Variants in RARB observed in about 807,000 individuals in gnomAD.
RARB encodes the protein HBV-activated protein.
In RARB, 17 loss-of-function variants were observed where a neutral mutation model predicts 51.9. The observed-to-expected ratio is 0.33, with a 90% confidence interval of 0.22 to 0.49. The LOEUF (loss-of-function observed/expected upper bound fraction) is 0.49. Among genes scored for constraint, RARB ranks in the 20% least tolerant of loss-of-function variants. The pLI, the probability that RARB is intolerant of heterozygous loss-of-function variation, is 0.99. For missense variants in RARB, 369 were observed against 550.8 expected, an observed-to-expected ratio of 0.67 and a Z score of 3.30; for synonymous variants, 215 against 195.4, an observed-to-expected ratio of 1.10 and a Z score of -0.84.
chr3:25,309,920 A>G (rs894900692), intron 5 of RARB, among the ~76,000 whole-genome samples: 1 of 152,188 alleles, frequency 6.6e-6, no homozygotes, highest in Non-Finnish European at 1.5e-5. Flanking sequence ...TGATGGCTTT[A>G]AAGAAAACTA....
chr3:25,021,244 ATATG>A (rs1697629541), intron 2 of RARB, among the ~76,000 whole-genome samples: 1 of 152,226 alleles, frequency 6.6e-6, no homozygotes, highest in Non-Finnish European at 1.5e-5. Context: ...ATTATCCTAA[ATATG>A]TATGTAAGCA....
intron 2 of RARB, among the ~76,000 whole-genome samples, chr3:25,016,883 T>A (rs757615146): frequency 3.9e-5 from 6 of 152,110 alleles, no homozygotes; most frequent in Non-Finnish European, 8.8e-5. Flanking sequence ...AGCATCTGAT[T>A]TATACTATCC....
At chr3:25,240,614 T>C (rs1386688053) in intron 5 of RARB, among the ~76,000 whole-genome samples, 1 of 152,222 alleles carries the variant, frequency 6.6e-6, no homozygotes, top group Non-Finnish European at 1.5e-5. Flanking sequence ...CTTCATTCTA[T>C]TGATGTAATA....
chr3:25,130,071 A>G lies in RARB; in HGVS notation c.-327-2090A>G, dbSNP rs564229022. Among the ~76,000 whole-genome samples, 23 of 152,224 alleles carry G rather than the reference A, an allele frequency of 1.5e-4. 1 individual carries two copies. The South Asian group carries it at 3.3e-3, about 22-fold the overall frequency. ...CTTGATTACCTTAGTATGGGAAACTATAGGCAAAAATGTTCTTTTCATTTA... is the reference window on the plus strand; with the variant it reads ...CTTGATTACCTTAGTATGGGAAACTGTAGGCAAAAATGTTCTTTTCATTTA... On this transcript the variant is annotated intron_variant, in intron 3 of 11. Coordinates refer to the RARB transcript ENST00000383772.
At chr3:25,300,377 C>T (rs762886143) in intron 5 of RARB, among the ~76,000 whole-genome samples, 1 of 152,164 alleles carries the variant, frequency 6.6e-6, no homozygotes, top group Non-Finnish European at 1.5e-5. Context: ...GTGCAAGACT[C>T]TTGGTCTAAC....
rs531633030 is a variant in RARB, at chr3:25,447,616, C to A, written c.158-13577C>A. On this transcript the variant is annotated intron_variant, in intron 1 of 7. Coordinates refer to ENST00000330688, the MANE Select transcript of RARB (RefSeq NM_000965.5). Reference sequence around the variant, plus strand: ...TTGGGTTTTGAACAGCAATTGAAGGCTCTCCAATGAGAGATCGCTGTGGTA... The same window carrying A: ...TTGGGTTTTGAACAGCAATTGAAGGATCTCCAATGAGAGATCGCTGTGGTA... Among the ~76,000 whole-genome samples the A allele has an allele frequency of 3.6e-4, 55 of 152,256 alleles. 1 individual carries two copies. The highest frequency in any genetic ancestry group is 1.1e-3 in the African/African-American group (46 of 41,546).
In RARB at chr3:25,501,165, T is replaced by C; in HGVS notation, c.307-17T>C. The C allele has an allele frequency of 6.4e-7, 1 of 1,567,104 alleles. No homozygotes were observed. Among genetic ancestry groups the C allele is most frequent in the Non-Finnish European group, 8.6e-7 (1 of 1,163,460 alleles). On this transcript the variant is annotated splice_polypyrimidine_tract_variant and intron_variant, in intron 2 of 7. Transcript: ENST00000330688. The stretch of plus-strand genomic sequence containing the variant: ...ATTTGCTTTACTGAGTTTTTTCATC[T>C]TCTTGCTTGCTTGCAGGGCTTTTTC...
chr3:24,872,711 G>A (rs200949050), intron 2 of RARB, among the ~76,000 whole-genome samples: 9 of 152,214 alleles, frequency 5.9e-5, no homozygotes, highest in Admixed American at 2.0e-4. Flanking sequence ...TGAGGGGTCC[G>A]CTCCCATGAC....
intron 3 of RARB, among the ~76,000 whole-genome samples, chr3:25,123,811 C>G (rs920737311): frequency 6.6e-6 from 1 of 152,156 alleles, no homozygotes; most frequent in Non-Finnish European, 1.5e-5. Flanking sequence ...GCTTTTTCCT[C>G]TCCCTCATCT....
At chr3:25,087,025 G>A (rs1308173638) in intron 3 of RARB, among the ~76,000 whole-genome samples, 1 of 152,146 alleles carries the variant, frequency 6.6e-6, no homozygotes, top group Non-Finnish European at 1.5e-5. Flanking sequence ...AGACAGCTTT[G>A]CAGGGCCATT....
At chr3:25,410,015 T>A (rs1339894893) in intron 5 of RARB, among the ~76,000 whole-genome samples, 1 of 152,224 alleles carries the variant, frequency 6.6e-6, no homozygotes, top group Non-Finnish European at 1.5e-5. Flanking sequence ...TTTTTTCATG[T>A]CTTAGCACTG....
At chr3:25,495,825 C>A (rs933003802) in intron 2 of RARB, among the ~76,000 whole-genome samples, 3 of 152,166 alleles carry the variant, frequency 2.0e-5, no homozygotes, top group Admixed American at 1.3e-4. Context: ...CAAGAAAAGT[C>A]ATAATTAACC....
intron 6 of RARB, 126 bp downstream of exon 6, chr3:25,593,833 G>C (rs1176203812): frequency 1.2e-6 from 1 of 842,908 alleles, no homozygotes; most frequent in African/African-American, 1.7e-5. Context: ...ATAAAGCCAG[G>C]CATACATGCC....
chr3:24,968,881 C>G lies in RARB; in HGVS notation c.-379-91244C>G, dbSNP rs78953345. Among the ~76,000 whole-genome samples the G allele has an allele frequency of 6.0e-3, 909 of 152,232 alleles. 9 individuals carry two copies. The highest frequency in any genetic ancestry group is 0.021 in the African/African-American group (857 of 41,550). ...TGTAAATGAGAGGTCATTACTCTGT[C>G]TACCACAAGGGTTCTTTCAGATTCA... On this transcript the variant is annotated intron_variant, in intron 2 of 11. Coordinates refer to the RARB transcript ENST00000383772.
At chr3:25,241,673 C>A (rs995859662) in intron 5 of RARB, among the ~76,000 whole-genome samples, 5 of 152,156 alleles carry the variant, frequency 3.3e-5, no homozygotes, top group Admixed American at 2.0e-4. Context: ...GTATAGTATT[C>A]CATGGTTTAT....
intron 3 of RARB, among the ~76,000 whole-genome samples, chr3:25,526,435 T>C (rs1019925329): frequency 6.6e-6 from 1 of 152,154 alleles, no homozygotes; most frequent in Non-Finnish European, 1.5e-5. Flanking sequence ...TTCTACTGTG[T>C]GGAGAATAGA....
At position 25,067,855 on chromosome 3, in the gene RARB, G is replaced by A. The variant is rs114413615; in HGVS notation, c.-328+7679G>A. On this transcript the variant is annotated intron_variant, in intron 3 of 11. Coordinates refer to the RARB transcript ENST00000383772. Reference sequence around the variant, plus strand: ...CTATTCTTCTAGGAAATTAAATCTTGGCCGGGTGCAGTGGCTCACGCCTGT... The same window carrying A: ...CTATTCTTCTAGGAAATTAAATCTTAGCCGGGTGCAGTGGCTCACGCCTGT... Among the ~76,000 whole-genome samples the A allele has an allele frequency of 7.8e-3, 1,189 of 152,144 alleles. 16 individuals are homozygous for A. The highest frequency in any genetic ancestry group is 0.027 in the African/African-American group (1,141 of 41,510).
intron 2 of RARB, among the ~76,000 whole-genome samples, chr3:24,944,911 A>G (rs929460248): frequency 6.6e-6 from 1 of 152,174 alleles, no homozygotes; most frequent in Non-Finnish European, 1.5e-5. Context: ...AAGGTTCAGT[A>G]ACATTAAGGG....
chr3:25,401,459 G>T (rs1707261432), intron 5 of RARB, among the ~76,000 whole-genome samples: 1 of 152,118 alleles, frequency 6.6e-6, no homozygotes, highest in Non-Finnish European at 1.5e-5. Flanking sequence ...GGAAAAAACA[G>T]ATAATAAAAC....
Sources: gnomAD v4.1 joint callset for allele counts (sites outside exome capture counted in the v4.1 genomes callset) on GRCh38, gnomAD v4.1.1 for gene constraint, MANE v1.5 for transcripts, NCBI Gene and HGNC (gene_info 2026-07-23, HGNC 2026-07-21) for gene names.